DHX40: variants seen among roughly 807,000 people sequenced by gnomAD.
DHX40 encodes probable ATP-dependent RNA helicase DHX40.
DHX40 carries 28 observed loss-of-function variants against 89.6 expected under a neutral mutation model. That is an observed-to-expected ratio of 0.31 (90% CI 0.23 to 0.43). DHX40 has a LOEUF of 0.43. Among genes scored for constraint, DHX40 ranks in the 20% least tolerant of loss-of-function variants. The probability of loss-of-function intolerance (pLI) is 1.00; values close to 1 mark genes in which losing one functional copy is unlikely to be tolerated. For missense variants in DHX40, 457 were observed against 844.0 expected (o/e 0.54, Z 5.68); for synonymous variants, 226 against 283.6 (o/e 0.80, Z 2.04).
intron 3 of DHX40, among the ~76,000 whole-genome samples, chr17:59,572,180 C>A (rs1254197852): frequency 6.6e-6 from 1 of 152,172 alleles, no homozygotes; most frequent in African/African-American, 2.4e-5. Flanking sequence ...TGTCCAGCTA[C>A]AAAACGATCC....
intron 2 of DHX40, among the ~76,000 whole-genome samples, chr17:59,568,153 A>T (rs995871216): frequency 6.6e-6 from 1 of 152,128 alleles, no homozygotes; most frequent in African/African-American, 2.4e-5. Flanking sequence ...ACTTGAACCC[A>T]GGAGGCAGAG....
intron 12 of DHX40, among the ~76,000 whole-genome samples, chr17:59,592,647 G>A (rs1161466764): frequency 7.1e-6 from 1 of 140,780 alleles, no homozygotes; most frequent in African/African-American, 2.7e-5. Context: ...GCACAATCTC[G>A]GCTCACTGCA....
intron 15 of DHX40, among the ~76,000 whole-genome samples, chr17:59,602,878 CAA>C (rs1402581285): frequency 6.6e-6 from 1 of 152,048 alleles, no homozygotes; most frequent in Non-Finnish European, 1.5e-5. Context: ...AGGCAAGTAA[CAA>C]GAGTTTTCTT....
intron 10 of DHX40, among the ~76,000 whole-genome samples, chr17:59,585,589 G>A (rs2048982760): frequency 6.7e-6 from 1 of 148,964 alleles, no homozygotes; most frequent in African/African-American, 2.5e-5. Context: ...TAGGCGTGGT[G>A]GCATGTGCCT....
chr17:59,570,189 ATATAATATAT>A (rs199965800), intron 2 of DHX40, among the ~76,000 whole-genome samples: 2,695 of 124,510 alleles, frequency 0.022, 113 homozygotes, highest in African/African-American at 0.08. Flanking sequence ...TATATATAAT[ATATAATATAT>A]TATAATATAT....
At chr17:59,578,988 G>A (rs60885479) in intron 8 of DHX40, among the ~76,000 whole-genome samples, 5,615 of 136,248 alleles carry the variant, frequency 0.041, 22 homozygotes, top group African/African-American at 0.14. Flanking sequence ...GTGTGTGTGT[G>A]TATATATATA....
At chr17:59,577,695 C>A (rs1332664364) in intron 8 of DHX40, among the ~76,000 whole-genome samples, 1 of 151,932 alleles carries the variant, frequency 6.6e-6, no homozygotes, top group Non-Finnish European at 1.5e-5. Flanking sequence ...TCAGCCAATC[C>A]TCCCGCCTCA....
Position 59,607,081 on chromosome 17 carries a change from A to G in DHX40, c.2249A>G (p.Asp750Gly), listed in dbSNP as rs1250681055. Residue 750 changes from aspartate to glycine, a missense_variant, in exon 18 of 18, where the codon GAC becomes GGC. This residue lies in a region of DHX40 where 120 missense variants were observed against 161.7 expected (regional missense o/e 0.74). Transcript: ENST00000251241. ...VLKKMQRRND[D>G]KSISDARARF... ...AAGAAAATGCAAAGAAGAAATGATG[A>G]CAAATCCATATCTGATGCACGGGCT... 3 of 1,614,216 alleles carry G rather than the reference A, an allele frequency of 1.9e-6. No homozygotes were observed. The highest frequency in any genetic ancestry group is 8.5e-7 in the Non-Finnish European group (1 of 1,180,040).
In DHX40 at chr17:59,585,782, T is replaced by TTTCTCTATTAATAC. The variant is rs1567876319; in HGVS notation, c.1344-364_1344-363insTTAATACTTCTCTA. On this transcript the variant is annotated intron_variant, in intron 10 of 17. Coordinates refer to ENST00000251241, the MANE Select transcript of DHX40 (RefSeq NM_024612.5). ...TTATAATTTTCAGTACTAATTAATATTTCTCTACTATTAATATTTCTCTAC... is the reference window on the plus strand; with the variant it reads ...TTATAATTTTCAGTACTAATTAATATTTCTCTATTAATACTTCTCTACTATTAATATTTCTCTAC... Among the ~76,000 whole-genome samples, 6 of 99,432 alleles carry TTTCTCTATTAATAC rather than the reference T, an allele frequency of 6.0e-5. No homozygotes were observed. In the East Asian group the frequency reaches 2.2e-3, roughly 37 times the overall value. The allele number at this position is 99,432 out of a possible 152,430, so 65.2% of individuals were successfully genotyped here.
chr17:59,581,101 A>G (rs2048940609), intron 10 of DHX40, among the ~76,000 whole-genome samples: 1 of 150,280 alleles, frequency 6.7e-6, no homozygotes, highest in Non-Finnish European at 1.5e-5. Flanking sequence ...AAAACAAAAC[A>G]AAAGGGTATA....
At position 59,601,479 on chromosome 17, in the gene DHX40, A is replaced by G. The variant is rs533087008; in HGVS notation, c.1807-1043A>G. The stretch of plus-strand genomic sequence containing the variant: ...ATCTGCCATTAATCCCATCTAGTAT[A>G]TTTGTCATCTCAGGTGTTGTATTTT... On this transcript the variant is annotated intron_variant, in intron 14 of 17. Transcript: ENST00000251241. 2.0e-5 allele frequency among the ~76,000 whole-genome samples: 3 copies of G among 151,822 alleles called. No homozygotes were observed. In the South Asian group the frequency reaches 6.2e-4, roughly 32 times the overall value.
In DHX40 at chr17:59,573,809, G is replaced by C. The variant is rs762694128; in HGVS notation, c.616G>C (p.Val206Leu). ...KSPNRKEHLK[V>L]VVMSATMELA... ...TCCTAATAGGAAGGAGCATTTAAAA[G>C]TGGTGGTAATGTCAGCAACTATGGA... is the stretch of plus-strand genomic sequence containing the variant. Residue 206 changes from valine to leucine, a missense_variant, in exon 5 of 18, where the codon GTG (valine) becomes CTG (leucine). By Grantham distance (32) the Val-to-Leu change is conservative. Coordinates refer to ENST00000251241, the MANE Select transcript of DHX40 (RefSeq NM_024612.5). 6.2e-7 allele frequency: 1 copy of C among 1,613,768 alleles called. No individual in the cohort carries two copies. The highest frequency in any genetic ancestry group is 8.5e-7 in the Non-Finnish European group (1 of 1,179,858).
intron 2 of DHX40, among the ~76,000 whole-genome samples, chr17:59,569,223 G>A (rs1304438541): frequency 6.6e-6 from 1 of 152,102 alleles, no homozygotes; most frequent in African/African-American, 2.4e-5. Context: ...AGTTACTCAG[G>A]CGGCTGAGGC....
At chr17:59,570,259 T>C (rs2048786395) in intron 2 of DHX40, among the ~76,000 whole-genome samples, 2 of 126,218 alleles carry the variant, frequency 1.6e-5, no homozygotes, top group Non-Finnish European at 3.2e-5. Context: ...TATATAAATA[T>C]ATATAATATA....
chr17:59,570,427 C>A, intron 2 of DHX40, 91 bp from the exon 3 acceptor site: 1 of 1,254,384 alleles, frequency 8.0e-7, no homozygotes, highest in Non-Finnish European at 1.1e-6. Context: ...AACATTCAAG[C>A]AGTTTTGTGT....
intron 12 of DHX40, among the ~76,000 whole-genome samples, chr17:59,592,110 A>G (rs1046611403): frequency 5.3e-5 from 8 of 151,490 alleles, no homozygotes; most frequent in South Asian, 4.2e-4. Flanking sequence ...GGCTCAAGCA[A>G]TCCTCCTGCT....
intron 12 of DHX40, among the ~76,000 whole-genome samples, chr17:59,593,935 G>T (rs1367180516): frequency 6.7e-6 from 1 of 148,720 alleles, no homozygotes; most frequent in Non-Finnish European, 1.5e-5. Flanking sequence ...TTGGTCGGAG[G>T]TTGTACCTAG....
chr17:59,598,439 A>G (rs1341416081), intron 12 of DHX40, among the ~76,000 whole-genome samples: 1 of 151,990 alleles, frequency 6.6e-6, no homozygotes, highest in East Asian at 1.9e-4. Context: ...TTCTGTAAGC[A>G]TGGATTACTC....
rs2960210 is a variant in DHX40 at position 59,590,519 on chromosome 17, A to G, written c.1582+2466A>G. 8.0e-4 allele frequency among the ~76,000 whole-genome samples: 121 copies of G among 151,610 alleles called. 2 individuals carry two copies. The highest frequency in any genetic ancestry group is 1.0e-3 in the Non-Finnish European group (71 of 67,754). On this transcript the variant is annotated intron_variant, in intron 12 of 17. Transcript: ENST00000251241. ...GTCTCACTGTGTTGCCCAGGCTGGA[A>G]TGCAGTGGCGTGATCTTGGCTCATT...
Sources: allele counts gnomAD v4.1 joint callset (sites outside exome capture counted in the v4.1 genomes callset), GRCh38; gene constraint gnomAD v4.1.1; regional missense constraint gnomAD v4.1.1; transcripts MANE v1.5; gene names NCBI Gene and HGNC (gene_info 2026-07-23, HGNC 2026-07-21).